FSTL4: variants seen among roughly 807,000 people sequenced by gnomAD.
The protein encoded by FSTL4 is follistatin like 4.
In FSTL4, 28 loss-of-function variants were observed where a neutral mutation model predicts 78.2. The ratio of observed to expected loss-of-function variants is 0.36; its 90% CI spans 0.27 to 0.49. FSTL4 has a LOEUF of 0.49. FSTL4 is among the 20% of genes least tolerant of loss of function. The pLI, the probability that FSTL4 is intolerant of heterozygous loss-of-function variation, is 0.98. For synonymous variants in FSTL4, 422 were observed against 440.5 expected (o/e 0.96, Z 0.53); for missense variants, 922 against 1,084.9 (o/e 0.85, Z 2.11).
At chr5:133,520,027 C>A (rs1281729626) in intron 3 of FSTL4, among the ~76,000 whole-genome samples, 1 of 152,186 alleles carries the variant, frequency 6.6e-6, no homozygotes, top group African/African-American at 2.4e-5. Context: ...ATGAAAAGAA[C>A]CTGCAGGTGG....
chr5:133,655,559 C>T, the FSTL4 span, among the ~76,000 whole-genome samples: 1 of 152,158 alleles, frequency 6.6e-6, no homozygotes, highest in African/African-American at 2.4e-5. Flanking sequence ...TCCTATCATC[C>T]AGGCCTTGTA....
chr5:133,689,182 CT>C, the FSTL4 span, among the ~76,000 whole-genome samples: 31 of 152,288 alleles, frequency 2.0e-4, no homozygotes, highest in African/African-American at 7.5e-4. Flanking sequence ...CAGTTTCTTC[CT>C]TCCCACCTCT....
intron 2 of FSTL4, among the ~76,000 whole-genome samples, chr5:133,574,027 G>T (rs1760220763): frequency 6.6e-6 from 1 of 152,078 alleles, no homozygotes; most frequent in Non-Finnish European, 1.5e-5. Context: ...CAAACCAAAA[G>T]AATATCTCAG....
At chr5:133,644,339 G>A in the FSTL4 span, among the ~76,000 whole-genome samples, 42 of 151,602 alleles carry the variant, frequency 2.8e-4, no homozygotes, top group African/African-American at 9.9e-4. Flanking sequence ...TTAACCCTGC[G>A]GCAGGGGCAG....
At chr5:133,535,937 A>ATT in intron 3 of FSTL4, among the ~76,000 whole-genome samples, 1 of 152,192 alleles carries the variant, frequency 6.6e-6, no homozygotes, top group East Asian at 1.9e-4. Flanking sequence ...CTAGGTTATT[A>ATT]TTTACACAGA....
intron 3 of FSTL4, among the ~76,000 whole-genome samples, chr5:133,522,802 C>A: frequency 6.6e-6 from 1 of 152,206 alleles, no homozygotes; most frequent in East Asian, 1.9e-4. Flanking sequence ...CTCAATGAGT[C>A]CGAGATTTGA....
At chr5:133,727,437 A>G in the FSTL4 span, among the ~76,000 whole-genome samples, 7 of 152,326 alleles carry the variant, frequency 4.6e-5, no homozygotes, top group South Asian at 1.0e-3. Context: ...GCAGGAGAAA[A>G]TCATCAACAT....
chr5:133,473,701 G>A (rs1580731816), intron 3 of FSTL4, among the ~76,000 whole-genome samples: 1 of 152,196 alleles, frequency 6.6e-6, no homozygotes, highest in African/African-American at 2.4e-5. Flanking sequence ...AGAAATACCT[G>A]AGACTGGGTA....
chr5:133,821,334 G>T, the FSTL4 span, among the ~76,000 whole-genome samples: 2 of 152,212 alleles, frequency 1.3e-5, no homozygotes, highest in Non-Finnish European at 2.9e-5. Flanking sequence ...CATCAAGGAT[G>T]AAAGAGACAG....
At chr5:133,760,604 C>T in the FSTL4 span, among the ~76,000 whole-genome samples, 8 of 152,154 alleles carry the variant, frequency 5.3e-5, no homozygotes, top group Non-Finnish European at 1.2e-4. Context: ...CCCAAAATCC[C>T]ATTTATACCA....
intron 6 of FSTL4, among the ~76,000 whole-genome samples, chr5:133,294,535 C>A (rs143218016): frequency 1.4e-3 from 207 of 152,296 alleles, no homozygotes; most frequent in Non-Finnish European, 1.6e-3. Flanking sequence ...TGTGTTGTAG[C>A]CTATGGCTAA....
rs1561619632 is a variant in FSTL4 at position 133,210,212 on chromosome 5, G to A, written c.1695C>T (p.His565=). The A allele has an allele frequency of 1.9e-5, 30 of 1,606,198 alleles. No homozygotes were observed. The highest frequency in any genetic ancestry group is 2.4e-5 in the Non-Finnish European group (28 of 1,172,916). ...ATACCTGGAGACTTGGTCGGGACTT[G>A]TGCACGTCCCCCCAGCTCAGGACCC... ...QVWVLSWGDV[H]KSRPSLQVIT... is the part of the protein sequence containing the mutation. Residue 565 remains histidine (H), a synonymous_variant, in exon 14 of 16, where the codon CAC becomes CAT. Transcript: ENST00000265342.
intron 4 of FSTL4, among the ~76,000 whole-genome samples, chr5:133,360,560 A>G (rs1282833716): frequency 6.6e-6 from 1 of 151,948 alleles, no homozygotes; most frequent in African/African-American, 2.4e-5. Flanking sequence ...TAGGCTGGAA[A>G]AGGAACCTAG....
At chr5:133,463,936 T>C (rs1757648646) in intron 3 of FSTL4, among the ~76,000 whole-genome samples, 1 of 152,220 alleles carries the variant, frequency 6.6e-6, no homozygotes, top group African/African-American at 2.4e-5. Context: ...ACAAATTTGG[T>C]GCAGAGCAGT....
intron 4 of FSTL4, among the ~76,000 whole-genome samples, chr5:133,369,530 T>C (rs1367097707): frequency 6.6e-6 from 1 of 152,040 alleles, no homozygotes; most frequent in Non-Finnish European, 1.5e-5. Flanking sequence ...TGGCAGGGGG[T>C]TGGGTGGGAG....
At chr5:133,684,348 T>C in the FSTL4 span, among the ~76,000 whole-genome samples, 2 of 152,292 alleles carry the variant, frequency 1.3e-5, no homozygotes, top group African/African-American at 4.8e-5. Flanking sequence ...AGAGCACCCG[T>C]GAGACTCCAG....
At chr5:133,395,154 C>G (rs986446560) in intron 4 of FSTL4, among the ~76,000 whole-genome samples, 1 of 152,258 alleles carries the variant, frequency 6.6e-6, no homozygotes, top group South Asian at 2.1e-4. Context: ...AGCAGGCTGC[C>G]CCAGCCAGCA....
At chr5:133,369,411 C>T (rs986792571) in intron 4 of FSTL4, among the ~76,000 whole-genome samples, 3 of 152,220 alleles carry the variant, frequency 2.0e-5, no homozygotes, top group Non-Finnish European at 2.9e-5. Flanking sequence ...CACACCGAGA[C>T]ATCTCATGCC....
intron 3 of FSTL4, chr5:133,427,714 A>G (rs772076695): frequency 3.3e-5 from 17 of 513,258 alleles, no homozygotes; most frequent in Non-Finnish European, 6.2e-5. Context: ...TGGCTGAGTT[A>G]GGTTACAAAG....
Sources: gnomAD v4.1 joint callset for allele counts (sites outside exome capture counted in the v4.1 genomes callset) on GRCh38, gnomAD v4.1.1 for gene constraint, MANE v1.5 for transcripts, NCBI Gene and HGNC (gene_info 2026-07-23, HGNC 2026-07-21) for gene names.